CDH12: variants seen among roughly 807,000 people sequenced by gnomAD.
CDH12 encodes cadherin-12.
CDH12 carries 41 observed loss-of-function variants against 74.1 expected under a neutral mutation model. That is an observed-to-expected ratio of 0.55 (90% CI 0.43 to 0.72). The LOEUF (loss-of-function observed/expected upper bound fraction) is 0.72. Ranked by LOEUF, CDH12 falls within the 30% of genes least tolerant of loss-of-function variation. CDH12 has a pLI of 0.00. For missense variants in CDH12, 945 were observed against 977.2 expected (o/e 0.97, Z 0.44); for synonymous variants, 399 against 355.0 (o/e 1.12, Z -1.39).
chr5:22,237,469 T>A (rs573679357), intron 3 of CDH12, among the ~76,000 whole-genome samples: 2 of 152,194 alleles, frequency 1.3e-5, no homozygotes, highest in South Asian at 4.1e-4. Flanking sequence ...GGCAGACAAA[T>A]GTGATGTGTC....
At chr5:22,847,064 T>C (rs1219820781) in intron 1 of CDH12, among the ~76,000 whole-genome samples, 1 of 152,222 alleles carries the variant, frequency 6.6e-6, no homozygotes, top group Non-Finnish European at 1.5e-5. Flanking sequence ...ACAGTTGTTA[T>C]ACTGGGCTTC....
chr5:22,030,643 AC>A (rs770958261), intron 5 of CDH12, among the ~76,000 whole-genome samples: 2 of 152,192 alleles, frequency 1.3e-5, no homozygotes. Context: ...ATTGGCTTCA[AC>A]TTAAAATCAC....
At chr5:22,308,561 C>A (rs1580506629) in intron 3 of CDH12, among the ~76,000 whole-genome samples, 1 of 151,830 alleles carries the variant, frequency 6.6e-6, no homozygotes. Context: ...GTTGTACAAC[C>A]CAATAAGTAC....
At chr5:22,508,589 T>C (rs1423623217) in intron 1 of CDH12, among the ~76,000 whole-genome samples, 1 of 152,154 alleles carries the variant, frequency 6.6e-6, no homozygotes, top group African/African-American at 2.4e-5. Context: ...TCATCTGTTG[T>C]CTCTAAGGGC....
chr5:21,863,580 A>T (rs1305684932), intron 6 of CDH12, among the ~76,000 whole-genome samples: 1 of 152,302 alleles, frequency 6.6e-6, no homozygotes, highest in South Asian at 2.1e-4. Context: ...CACAGAAAAG[A>T]CAGAAATACA....
At chr5:22,330,068 T>C (rs1320313761) in intron 3 of CDH12, among the ~76,000 whole-genome samples, 1 of 152,130 alleles carries the variant, frequency 6.6e-6, no homozygotes, top group Non-Finnish European at 1.5e-5. Context: ...CCTCAGGCAC[T>C]TCAGCTTGCA....
intron 3 of CDH12, among the ~76,000 whole-genome samples, chr5:22,235,207 C>T (rs754464395): frequency 2.6e-5 from 4 of 151,896 alleles, no homozygotes; most frequent in Non-Finnish European, 5.9e-5. Flanking sequence ...TATACTAGGT[C>T]GAAATATATC....
At chr5:22,015,854 A>T (rs1017210487) in intron 5 of CDH12, among the ~76,000 whole-genome samples, 1 of 152,214 alleles carries the variant, frequency 6.6e-6, no homozygotes, top group Non-Finnish European at 1.5e-5. Flanking sequence ...AGAGGAAAGC[A>T]AACAAACTAT....
intron 1 of CDH12, among the ~76,000 whole-genome samples, chr5:22,624,318 A>C (rs1738153939): frequency 6.6e-6 from 1 of 151,652 alleles, no homozygotes; most frequent in Non-Finnish European, 1.5e-5. Flanking sequence ...AATGGGATCT[A>C]ATTAAACTAA....
intron 3 of CDH12, among the ~76,000 whole-genome samples, chr5:22,394,396 A>G (rs1742369445): frequency 6.6e-6 from 1 of 152,156 alleles, no homozygotes; most frequent in Non-Finnish European, 1.5e-5. Flanking sequence ...CAGGATTTTC[A>G]AAAATCTACA....
At chr5:22,185,156 T>C (rs1473443432) in intron 4 of CDH12, among the ~76,000 whole-genome samples, 2 of 152,044 alleles carry the variant, frequency 1.3e-5, no homozygotes, top group East Asian at 1.9e-4. Context: ...ATTCTTTTTG[T>C]TCATCTGCAG....
chr5:22,803,169 C>T (rs72748753), intron 1 of CDH12, among the ~76,000 whole-genome samples: 46,462 of 151,970 alleles, frequency 0.31, 7,806 homozygotes, highest in Middle Eastern at 0.4. Context: ...AAAAAGACTG[C>T]GTTTATAAAA....
intron 4 of CDH12, among the ~76,000 whole-genome samples, chr5:22,196,899 C>T (rs1750648732): frequency 6.6e-6 from 1 of 151,932 alleles, no homozygotes; most frequent in Admixed American, 6.6e-5. Context: ...GTGGGTCAGT[C>T]GAATTTCTTA....
At chr5:22,629,208 CA>C (rs1738453103) in intron 1 of CDH12, among the ~76,000 whole-genome samples, 1 of 152,020 alleles carries the variant, frequency 6.6e-6, no homozygotes, top group African/African-American at 2.4e-5. Flanking sequence ...AAAACTATTT[CA>C]AAAGACTGAA....
intron 9 of CDH12, among the ~76,000 whole-genome samples, chr5:21,803,847 C>T (rs1383312995): frequency 6.6e-6 from 1 of 152,040 alleles, no homozygotes. Flanking sequence ...TATTTTTCTC[C>T]TTCTAAGATA....
At chr5:22,489,056 C>CTTTTTGTTTTTTTTTTTTTTTTT (rs1746732481) in intron 2 of CDH12, among the ~76,000 whole-genome samples, 1 of 37,314 alleles carries the variant, frequency 2.7e-5, no homozygotes, top group Non-Finnish European at 4.8e-5. Context: ...TTGGTACCAC[C>CTTTTTGTTTTTTTTTTTTTTTTT]TTTTTTTTTT....
intron 11 of CDH12, among the ~76,000 whole-genome samples, chr5:21,781,329 G>C (rs1414373544): frequency 6.6e-6 from 1 of 152,136 alleles, no homozygotes; most frequent in Non-Finnish European, 1.5e-5. Flanking sequence ...CCTATGCGGA[G>C]GGGACACCCA....
chr5:22,457,425 ATT>A (rs1172240668), intron 2 of CDH12, among the ~76,000 whole-genome samples: 1 of 104,724 alleles, frequency 9.5e-6, no homozygotes, highest in Admixed American at 1.0e-4. Flanking sequence ...CTTCTTCTTC[ATT>A]TTTTTTTTTT....
At chr5:22,819,952 TATATATACAC>T in intron 1 of CDH12, among the ~76,000 whole-genome samples, 1 of 147,608 alleles carries the variant, frequency 6.8e-6, no homozygotes, top group Non-Finnish European at 1.5e-5. Context: ...TATGTGTGTA[TATATATACAC>T]ATATATATAC....
Sources: gnomAD v4.1 joint callset for allele counts (sites outside exome capture counted in the v4.1 genomes callset) on GRCh38, gnomAD v4.1.1 for gene constraint, MANE v1.5 for transcripts, NCBI Gene and HGNC (gene_info 2026-07-23, HGNC 2026-07-21) for gene names.